ABCA1: variants seen among roughly 807,000 people sequenced by gnomAD.
ABCA1 encodes phospholipid-transporting ATPase ABCA1.
ABCA1 carries 133 observed loss-of-function variants against 262.5 expected under a neutral mutation model. The observed-to-expected ratio is 0.51, with a 90% CI of 0.44 to 0.59. The LOEUF is 0.59. ABCA1 is among the 20% of genes least tolerant of loss of function. The probability of loss-of-function intolerance (pLI) is 0.00; values close to 1 mark genes in which losing one functional copy is unlikely to be tolerated. For missense variants in ABCA1, 2,452 were observed against 2,777.5 expected, an observed-to-expected ratio of 0.88 and a Z score of 2.63; for synonymous variants, 1,022 against 1,043.5, an observed-to-expected ratio of 0.98 and a Z score of 0.40.
chr9:104,869,803 C>T (rs1837439281), intron 5 of ABCA1, among the ~76,000 whole-genome samples: 1 of 152,098 alleles, frequency 6.6e-6, no homozygotes. Context: ...CCAAGACATA[C>T]CTGAAAAAAC....
At chr9:104,799,044 T>C (rs1046427078) in intron 36 of ABCA1, among the ~76,000 whole-genome samples, 1 of 152,108 alleles carries the variant, frequency 6.6e-6, no homozygotes, top group Non-Finnish European at 1.5e-5. Context: ...AACTTGAAAA[T>C]AACAGTATGC....
At chr9:104,791,580 C>T (rs1252808326) in intron 43 of ABCA1, among the ~76,000 whole-genome samples, 1 of 152,182 alleles carries the variant, frequency 6.6e-6, no homozygotes, top group Non-Finnish European at 1.5e-5. Flanking sequence ...GAATGCACTA[C>T]TATGCCCAGC....
In ABCA1 at chr9:104,827,161, G is replaced by A; in HGVS notation, c.2124C>T (p.Asn708=). 6.2e-7 allele frequency: 1 copy of A among 1,614,036 alleles called. No individual in the cohort carries two copies. The highest frequency in any genetic ancestry group is 8.5e-7 in the Non-Finnish European group (1 of 1,179,966). ...CGCTGGGATCACTGTAGGGCAGCAGGTTTCCTAACTGGGAAGGAAGAGACA... is the reference window on the plus strand; with the variant it reads ...CGCTGGGATCACTGTAGGGCAGCAGATTTCCTAACTGGGAAGGAAGAGACA... The part of the protein sequence containing the change: ...GLLVVILKLG[N]LLPYSDPSVV... Residue 708 remains asparagine (N), a synonymous_variant, in exon 16 of 50, where the codon AAC becomes AAT. Transcript: ENST00000374736.
At chr9:104,849,874 G>A (rs1835221145) in intron 7 of ABCA1, among the ~76,000 whole-genome samples, 1 of 152,136 alleles carries the variant, frequency 6.6e-6, no homozygotes, top group Non-Finnish European at 1.5e-5. Flanking sequence ...CAAATGAAGT[G>A]GCAGGCCAAT....
chr9:104,858,587 T>C lies in ABCA1; in HGVS notation c.655A>G (p.Arg219Gly), dbSNP rs778562903. 4.3e-6 allele frequency: 7 copies of C among 1,614,068 alleles called. No homozygotes were observed. The African/African-American group carries it at 8.0e-5, about 18-fold the overall frequency. ...CGCTCTGCTGCAGCCAGTTTCTCCC[T>C]TGGTAGGCCACAAAGCTCAGAAACT... is the stretch of plus-strand genomic sequence containing the variant. ...QEVSELCGLPREKLAAAERVL... is the reference protein window; with the variant it reads ...QEVSELCGLPGEKLAAAERVL... The change falls in exon 7 of 50, where the codon AGG becomes GGG. Residue 219 changes from arginine to glycine, a missense_variant. Physicochemically the swap from Arg to Gly is moderately radical, Grantham distance 125. This residue lies in a region of ABCA1 where 1,032 missense variants were observed against 1,089.7 expected (regional missense o/e 0.95). Coordinates refer to ENST00000374736, the MANE Select transcript of ABCA1 (RefSeq NM_005502.4).
At chr9:104,891,288 G>T (rs1184566569) in intron 2 of ABCA1, among the ~76,000 whole-genome samples, 25 of 152,130 alleles carry the variant, frequency 1.6e-4, no homozygotes, top group Admixed American at 1.6e-3. Flanking sequence ...TTTGGCGATG[G>T]ATGCAGTGGC....
At position 104,811,715 on chromosome 9, in the gene ABCA1, T is replaced by C. The variant is rs535377920; in HGVS notation, c.4051-791A>G. On this transcript the variant is annotated intron_variant, in intron 28 of 49. Transcript: ENST00000374736. ...ATGCAGAAAATTAACATTGAGTGAA[T>C]AATTCTGTATAACAACTACTATAAT... Among the ~76,000 whole-genome samples, 10 of 152,346 alleles carry C rather than the reference T, an allele frequency of 6.6e-5. No homozygotes were observed. The South Asian group carries it at 2.1e-3, about 32-fold the overall frequency.
rs59524252 is a variant in ABCA1 at position 104,909,607 on chromosome 9, TACACACACACACACAC to T, written c.-92-5852_-92-5837del. ...GATTCAGTGATGCTGGCAAAAGAAATACACACACACACACACACACACACACACACACACACACACA... is the reference window on the plus strand; with the variant it reads ...GATTCAGTGATGCTGGCAAAAGAAATACACACACACACACACACACACACA... On this transcript the variant is annotated intron_variant, in intron 1 of 49. Coordinates refer to ENST00000374736, the MANE Select transcript of ABCA1 (RefSeq NM_005502.4). Among the ~76,000 whole-genome samples, 222 of 134,060 alleles carry T rather than the reference TACACACACACACACAC, an allele frequency of 1.7e-3. 2 individuals are homozygous for T. In the East Asian group the frequency reaches 0.018, roughly 11 times the overall value. 87.9% of individuals were successfully genotyped at this position (134,060 alleles called of 152,430 possible). A position where few individuals can be genotyped will look rare whatever the true frequency, so the allele number is the denominator to read the frequency against.
chr9:104,815,912 T>C (rs142902213), intron 25 of ABCA1, among the ~76,000 whole-genome samples: 105 of 152,280 alleles, frequency 6.9e-4, no homozygotes, highest in African/African-American at 2.4e-3. Flanking sequence ...TACCACTGGT[T>C]TCAACACACA....
intron 41 of ABCA1, 124 bp downstream of exon 41, chr9:104,793,047 G>A: frequency 6.3e-7 from 1 of 1,583,650 alleles, no homozygotes; most frequent in Non-Finnish European, 8.6e-7. Context: ...CCCACATCAG[G>A]AAAATCAGTT....
At chr9:104,852,873 C>T (rs966593443) in intron 7 of ABCA1, among the ~76,000 whole-genome samples, 8 of 152,174 alleles carry the variant, frequency 5.3e-5, no homozygotes, top group Non-Finnish European at 8.8e-5. Flanking sequence ...CCCACACAGA[C>T]GCTTTAAGGA....
At position 104,798,512 on chromosome 9, in the gene ABCA1, A is replaced by G; in HGVS notation, c.5030T>C (p.Ile1677Thr). Residue 1677 changes from isoleucine to threonine, a missense_variant, in exon 37 of 50, where the codon ATC (isoleucine) becomes ACC (threonine). By Grantham distance (89) the Ile-to-Thr change is moderately conservative. Coordinates refer to ENST00000374736, the MANE Select transcript of ABCA1 (RefSeq NM_005502.4). Reference sequence around the variant, plus strand: ...TTTTGCTTTGCTGACCCGCTCCTGGATCAGGAATACGACAAAGCTGGCTGG... The same window carrying G: ...TTTTGCTTTGCTGACCCGCTCCTGGGTCAGGAATACGACAAAGCTGGCTGG... Reference protein sequence around the residue: ...FVPASFVVFLIQERVSKAKHL... With the variant: ...FVPASFVVFLTQERVSKAKHL... 6.2e-7 allele frequency: 1 copy of G among 1,614,168 alleles called. No individual in the cohort carries two copies. Among genetic ancestry groups the G allele is most frequent in the Admixed American group, 1.7e-5 (1 of 60,026 alleles).
rs765828112 is a variant in ABCA1 at position 104,818,777 on chromosome 9, C to T, written c.3348G>A (p.Leu1116=). 1 of 1,614,042 alleles carries T rather than the reference C, an allele frequency of 6.2e-7. No homozygotes were observed. Among genetic ancestry groups the T allele is most frequent in the South Asian group, 1.1e-5 (1 of 91,076 alleles). ...CTGTTCCCAGCTGGTTCTTCAGAAA[C>T]AGGGAGGAGCCCACACAGCACAGCT... is the stretch of plus-strand genomic sequence containing the variant. The part of the protein sequence containing the change: ...HGKLCCVGSS[L]FLKNQLGTGY... Residue 1116 remains leucine, a synonymous_variant, in exon 23 of 50, where the codon CTG becomes CTA. Coordinates refer to ENST00000374736, the MANE Select transcript of ABCA1 (RefSeq NM_005502.4).
At chr9:104,892,768 C>T (rs1839863866) in intron 2 of ABCA1, among the ~76,000 whole-genome samples, 1 of 152,090 alleles carries the variant, frequency 6.6e-6, no homozygotes, top group Non-Finnish European at 1.5e-5. Context: ...TCCCATTTGC[C>T]CAATTACTAT....
intron 24 of ABCA1, 121 bp from the exon 25 acceptor site, chr9:104,816,466 GT>G: frequency 1.1e-6 from 1 of 909,688 alleles, no homozygotes; most frequent in South Asian, 1.4e-5. Context: ...TGTTCCAGGT[GT>G]TTAGGTCATT....
In ABCA1 at chr9:104,858,553, C is replaced by G. The variant is rs767710036; in HGVS notation, c.689G>C (p.Arg230Pro). Residue 230 changes from arginine (R) to proline (P), a missense_variant, in exon 7 of 50, where the codon CGT becomes CCT. Coordinates refer to ENST00000374736, the MANE Select transcript of ABCA1 (RefSeq NM_005502.4). ...TGGCTTCAGGATGTCCATGTTGGAA[C>G]GAAGTACTCGCTCTGCTGCAGCCAG... The part of the protein sequence containing the change: ...EKLAAAERVL[R>P]SNMDILKPIL... 3 of 1,613,970 alleles carry G rather than the reference C, an allele frequency of 1.9e-6. No individual in the cohort carries two copies. In the East Asian group the frequency reaches 6.7e-5, roughly 36 times the overall value.
intron 43 of ABCA1, 66 bp from the exon 44 acceptor site, chr9:104,791,094 G>T: frequency 9.2e-7 from 1 of 1,086,584 alleles, no homozygotes; most frequent in Non-Finnish European, 1.4e-6. Flanking sequence ...CCCCTAACAC[G>T]TAACTACCTC....
intron 39 of ABCA1, among the ~76,000 whole-genome samples, chr9:104,795,640 G>A (rs1829830368): frequency 6.6e-6 from 1 of 152,170 alleles, no homozygotes; most frequent in Non-Finnish European, 1.5e-5. Flanking sequence ...AGGCAAGTGA[G>A]AATTTGAGAT....
chr9:104,905,645 C>A (rs1271149603), intron 1 of ABCA1, among the ~76,000 whole-genome samples: 1 of 152,212 alleles, frequency 6.6e-6, no homozygotes, highest in East Asian at 1.9e-4. Context: ...CACTGGCAAC[C>A]AGAGCAGCAT....
Sources: gnomAD v4.1 joint callset for allele counts (sites outside exome capture counted in the v4.1 genomes callset) on GRCh38, gnomAD v4.1.1 for gene constraint, gnomAD v4.1.1 regional missense constraint, MANE v1.5 for transcripts, NCBI Gene and HGNC (gene_info 2026-07-23, HGNC 2026-07-21) for gene names.